PEX1: variants seen among roughly 807,000 people sequenced by gnomAD.
PEX1 encodes the protein peroxisomal ATPase PEX1.
In PEX1, 97 loss-of-function variants were observed where a neutral mutation model predicts 152.5. The observed-to-expected ratio is 0.64, with a 90% CI of 0.54 to 0.75. The LOEUF (loss-of-function observed/expected upper bound fraction) is 0.75, where lower values mean the gene tolerates loss of function less well. Ranked by LOEUF, PEX1 falls within the 30% of genes least tolerant of loss-of-function variation. The probability of loss-of-function intolerance (pLI) is 0.00; values close to 1 mark genes in which losing one functional copy is unlikely to be tolerated. For missense variants in PEX1, 1,357 were observed against 1,516.3 expected (o/e 0.89, Z 1.74); for synonymous variants, 485 against 531.6 (o/e 0.91, Z 1.21).
rs1347522305 is a variant in PEX1, at chr7:92,506,389, C to G, written c.1804-45G>C. On this transcript the variant is annotated intron_variant, in intron 10 of 23. Transcript: ENST00000248633. ...TAGGAATTCCCAATATATTCAGTCA[C>G]AGAAATAGTTCCTGTCATTGTGGCA... 3.4e-6 allele frequency: 4 copies of G among 1,174,600 alleles called. No individual in the cohort carries two copies. The South Asian group carries it at 4.9e-5, about 14-fold the overall frequency. The allele number at this position is 1,174,600 out of a possible 1,614,324, so 72.8% of individuals were successfully genotyped here.
chr7:92,499,710 A>G lies in PEX1; in HGVS notation c.2712T>C (p.Ser904=), dbSNP rs772654003. 6.2e-7 allele frequency: 1 copy of G among 1,612,266 alleles called. No homozygotes were observed. The highest frequency in any genetic ancestry group is 8.5e-7 in the Non-Finnish European group (1 of 1,178,380). ...AGATAAGTAGACAACATACCTTGAC[A>G]CTTATAAAATTCATTCTACTCTCTC... ...IARESRMNFI[S]VKGPELLSKY... Residue 904 remains serine (S), a synonymous_variant, in exon 16 of 24, where the codon AGT becomes AGC. Transcript: ENST00000248633.
At chr7:92,505,552 A>G (rs999752145) in intron 11 of PEX1, among the ~76,000 whole-genome samples, 4 of 152,268 alleles carry the variant, frequency 2.6e-5, no homozygotes, top group East Asian at 1.9e-4. Flanking sequence ...GTGGGAAAAC[A>G]TAAGTGAGAG....
At position 92,499,841 on chromosome 7, in the gene PEX1, G is replaced by T; in HGVS notation, c.2584-3C>A. 1 of 1,508,752 alleles carries T rather than the reference G, an allele frequency of 6.6e-7. No individual in the cohort carries two copies. The highest frequency in any genetic ancestry group is 8.9e-7 in the Non-Finnish European group (1 of 1,123,380). 93.5% of individuals were successfully genotyped at this position (1,508,752 alleles called of 1,614,324 possible). On this transcript the variant is annotated splice_polypyrimidine_tract_variant and splice_region_variant and intron_variant, in intron 15 of 23. Transcript: ENST00000248633. ...AAGTTTGCAAATAATTCTGGATACTGAGAAACAAAAAAAAAAAATATGAAA... is the reference window on the plus strand; with the variant it reads ...AAGTTTGCAAATAATTCTGGATACTTAGAAACAAAAAAAAAAAATATGAAA...
chr7:92,509,134 A>AG (rs1204820026), intron 9 of PEX1, among the ~76,000 whole-genome samples, 195 bp downstream of exon 9: 1 of 150,104 alleles, frequency 6.7e-6, no homozygotes. Context: ...AAAAATAAAG[A>AG]GAAAAAAAAA....
chr7:92,504,788 G>A lies in PEX1; in HGVS notation c.2015C>T (p.Ala672Val), dbSNP rs897278975. 1 of 1,614,194 alleles carries A rather than the reference G, an allele frequency of 6.2e-7. No individual in the cohort carries two copies. Among genetic ancestry groups the A allele is most frequent in the East Asian group, 2.2e-5 (1 of 44,886 alleles). ...AGGACTGTGCTCATGTTCCGGGACA[G>A]CAGGCAGTCCAGCAATGAGGTCAAG... ...DDLDLIAGLP[A>V]VPEHEHSPDA... The change falls in exon 12 of 24, where the codon GCT (alanine) becomes GTT (valine). Residue 672 changes from alanine (A) to valine (V), a missense_variant. Ala to Val is a moderately conservative substitution (Grantham distance 64). Transcript: ENST00000248633.
At chr7:92,524,681 CATG>C (rs1793190237) in intron 1 of PEX1, among the ~76,000 whole-genome samples, 1 of 152,218 alleles carries the variant, frequency 6.6e-6, no homozygotes, top group African/African-American at 2.4e-5. Flanking sequence ...AAGCCATCAT[CATG>C]TATCACTTAG....
chr7:92,517,249 C>T, intron 5 of PEX1, 27 bp downstream of exon 5: 5 of 1,559,044 alleles, frequency 3.2e-6, no homozygotes, highest in Non-Finnish European at 4.4e-6. Context: ...CATAAAATTT[C>T]TCCCAAGTTA....
rs1005761030 is a variant in PEX1 at position 92,494,736 on chromosome 7, A to G, written c.2784-107T>C. 4 of 675,202 alleles carry G rather than the reference A, an allele frequency of 5.9e-6. No individual in the cohort carries two copies. In the African/African-American group the frequency reaches 7.7e-5, roughly 13 times the overall value. 41.8% of individuals were successfully genotyped at this position (675,202 alleles called of 1,614,324 possible). A position where few individuals can be genotyped will look rare whatever the true frequency, so the allele number is the denominator to read the frequency against. ...TTATTTTATGTATTTATATATATTT[A>G]TATACTTCTTTTAATTTTTACAACA... On this transcript the variant is annotated intron_variant, in intron 17 of 23. Transcript: ENST00000248633.
In PEX1 at chr7:92,518,257, T is replaced by C. The variant is rs1057517500; in HGVS notation, c.358-2A>G. On this transcript the variant is annotated splice_acceptor_variant, in intron 3 of 23. Coordinates refer to ENST00000248633, the MANE Select transcript of PEX1 (RefSeq NM_000466.3). LOFTEE classifies it high-confidence loss of function. The stretch of plus-strand genomic sequence containing the variant: ...TTCAAGGGAAACAGCATGCAGCTCC[T>C]AGAACCAACAGACGAAAAGATCAAT... 1 of 1,559,592 alleles carries C rather than the reference T, an allele frequency of 6.4e-7. No individual in the cohort carries two copies. The highest frequency in any genetic ancestry group is 1.7e-5 in the Admixed American group (1 of 59,958).
At chr7:92,522,871 G>A (rs1793111514) in intron 1 of PEX1, among the ~76,000 whole-genome samples, 1 of 152,104 alleles carries the variant, frequency 6.6e-6, no homozygotes, top group Non-Finnish European at 1.5e-5. Context: ...GTACAAAAGG[G>A]TAAAATGTGA....
Position 92,519,096 on chromosome 7 carries a change from T to C in PEX1, c.274-18A>G. On this transcript the variant is annotated intron_variant, in intron 2 of 23. Transcript: ENST00000248633. ...AGAAATACCTAGAAAAAATTAAAAA[T>C]TTAAAACTACTTTAAAAAAACTTTT... 1 of 1,439,844 alleles carries C rather than the reference T, an allele frequency of 6.9e-7. No individual in the cohort carries two copies. Among genetic ancestry groups the C allele is most frequent in the Non-Finnish European group, 9.8e-7 (1 of 1,023,954 alleles). The allele number at this position is 1,439,844 out of a possible 1,614,324, so 89.2% of individuals were successfully genotyped here.
At chr7:92,490,601 CTCTAGTCTGGATGA>C (rs1243426590) in intron 21 of PEX1, among the ~76,000 whole-genome samples, 4 of 130,968 alleles carry the variant, frequency 3.1e-5, no homozygotes, top group Non-Finnish European at 6.2e-5. Flanking sequence ...TGCCACTGCA[CTCTAGTCTGGATGA>C]TAGAGTGAGA....
chr7:92,517,235 G>A (rs368075533), intron 5 of PEX1, 41 bp downstream of exon 5: 20 of 1,413,232 alleles, frequency 1.4e-5, no homozygotes, highest in Non-Finnish European at 1.9e-5. Flanking sequence ...GGATGTTTAA[G>A]CCACATAAAA....
Position 92,491,328 on chromosome 7 carries a change from G to T in PEX1, c.3382C>A (p.Leu1128Ile). Residue 1128 changes from leucine to isoleucine, a missense_variant, in exon 21 of 24, where the codon CTC becomes ATC. Leu to Ile is a conservative substitution (Grantham distance 5). Transcript: ENST00000248633. ...GATTCATAAGAGCTTCCAAAGTAGA[G>T]CCGGTACATATTGAATTTTGATTCA... ...PDESKFNMYR[L>I]YFGSSYESEL... The T allele has an allele frequency of 6.2e-7, 1 of 1,613,958 alleles. No homozygotes were observed. The highest frequency in any genetic ancestry group is 1.1e-5 in the South Asian group (1 of 91,084).
In PEX1 at chr7:92,517,973, G is replaced by GTCTT. The variant is rs1792878019; in HGVS notation, c.538_541dup (p.Thr181LysfsTer14). ...AAATGTATTCTCTTTGGCTCGGCGT[G>GTCTT]TCTTTGGCTGAATAAGGAGTTTGGT... On this transcript the variant is annotated frameshift_variant, in exon 5 of 24. Coordinates refer to ENST00000248633, the MANE Select transcript of PEX1 (RefSeq NM_000466.3). LOFTEE classifies it high-confidence loss of function. 6.2e-7 allele frequency: 1 copy of GTCTT among 1,613,076 alleles called. No individual in the cohort carries two copies.
intron 3 of PEX1, 144 bp downstream of exon 3, chr7:92,518,851 T>C: frequency 1.5e-6 from 1 of 686,978 alleles, no homozygotes; most frequent in South Asian, 1.6e-5. Flanking sequence ...ACTATAGGCA[T>C]GAGCTACTGT....
intron 15 of PEX1, 87 bp downstream of exon 15, chr7:92,501,420 T>C (rs1475469348): frequency 1.9e-6 from 2 of 1,042,314 alleles, no homozygotes; most frequent in Non-Finnish European, 3.0e-6. Flanking sequence ...CACACGGAGA[T>C]TGGGCAAGCT....
rs1453388359 is a variant in PEX1, at chr7:92,487,436, CA to C, written c.*20del. 1 of 1,361,194 alleles carries C rather than the reference CA, an allele frequency of 7.3e-7. No homozygotes were observed. The highest frequency in any genetic ancestry group is 1.0e-6 in the Non-Finnish European group (1 of 959,474). The allele number at this position is 1,361,194 out of a possible 1,614,324, so 84.3% of individuals were successfully genotyped here. The stretch of plus-strand genomic sequence containing the variant: ...AAGCCATCAAAAAACTTAACAGAAC[CA>C]AATCAAAAAGAAGTATATTTTATGC... On this transcript the variant is annotated 3_prime_UTR_variant, in exon 24 of 24. Coordinates refer to ENST00000248633, the MANE Select transcript of PEX1 (RefSeq NM_000466.3).
rs1792850948 is a variant in PEX1, at chr7:92,517,535, C to T, written c.980G>A (p.Ser327Asn). The T allele has an allele frequency of 6.2e-7, 1 of 1,614,078 alleles. No individual in the cohort carries two copies. The highest frequency in any genetic ancestry group is 8.5e-7 in the Non-Finnish European group (1 of 1,180,012). ...WDQEYFDVEP[S>N]FTVTYGKLVK... is the part of the protein sequence containing the mutation. ...TAGCTTTCCATATGTCACAGTAAAG[C>T]TGGGCTCTACATCAAAATATTCCTG... is the stretch of plus-strand genomic sequence containing the variant. Residue 327 changes from serine to asparagine, a missense_variant, in exon 5 of 24, where the codon AGC becomes AAC. By Grantham distance (46) the Ser-to-Asn change is conservative (BLOSUM62 1). Coordinates refer to ENST00000248633, the MANE Select transcript of PEX1 (RefSeq NM_000466.3).
Sources: gnomAD v4.1 joint callset for allele counts (sites outside exome capture counted in the v4.1 genomes callset) on GRCh38, gnomAD v4.1.1 for gene constraint, MANE v1.5 for transcripts, NCBI Gene and HGNC (gene_info 2026-07-23, HGNC 2026-07-21) for gene names.